The following BRINP3 variants were observed in gnomAD, a reference collection of about 807,000 sequenced individuals.
The protein encoded by BRINP3 is BMP/retinoic acid-inducible neural-specific protein 3.
A neutral mutation model predicts 71.0 loss-of-function variants in BRINP3; 19 were observed. That is an observed-to-expected ratio of 0.27 (90% CI 0.19 to 0.39). The LOEUF is 0.39. Ranked by LOEUF, BRINP3 falls within the 10% of genes least tolerant of loss-of-function variation. The pLI, the probability that BRINP3 is intolerant of heterozygous loss-of-function variation, is 1.00. For synonymous variants in BRINP3, 380 were observed against 337.7 expected, an observed-to-expected ratio of 1.13 and a Z score of -1.37; for missense variants, 959 against 940.8, an observed-to-expected ratio of 1.02 and a Z score of -0.25.
intron 7 of BRINP3, among the ~76,000 whole-genome samples, chr1:190,119,259 C>A (rs1653417799): frequency 7.1e-6 from 1 of 141,022 alleles, no homozygotes; most frequent in African/African-American, 2.8e-5. Context: ...TTTTATTTTT[C>A]ATTTTATTTT....
At chr1:190,233,037 C>T (rs10920664) in intron 5 of BRINP3, among the ~76,000 whole-genome samples, 2,729 of 152,118 alleles carry the variant, frequency 0.018, 80 homozygotes, top group African/African-American at 0.062. Context: ...TTTAATACAA[C>T]TCAAAATAAA....
chr1:190,349,393 TA>T (rs1372590003), intron 2 of BRINP3, among the ~76,000 whole-genome samples: 1 of 152,108 alleles, frequency 6.6e-6, no homozygotes, highest in African/African-American at 2.4e-5. Flanking sequence ...GGTATTAATT[TA>T]AAATGTTAAT....
chr1:190,208,569 T>G (rs1224507958), intron 6 of BRINP3, among the ~76,000 whole-genome samples: 2 of 152,098 alleles, frequency 1.3e-5, no homozygotes, highest in African/African-American at 2.4e-5. Context: ...CGCAGCTCAC[T>G]GCAACAACCT....
At chr1:190,348,299 G>T (rs1446151788) in intron 2 of BRINP3, among the ~76,000 whole-genome samples, 1 of 152,040 alleles carries the variant, frequency 6.6e-6, no homozygotes, top group Non-Finnish European at 1.5e-5. Context: ...TGGGCCATTT[G>T]CTTTGAACTC....
intron 6 of BRINP3, among the ~76,000 whole-genome samples, chr1:190,209,606 T>C (rs933389504): frequency 2.0e-5 from 3 of 152,178 alleles, no homozygotes; most frequent in Non-Finnish European, 1.5e-5. Flanking sequence ...CTTTGTATTA[T>C]GTATCAATTT....
chr1:190,196,291 G>A (rs1654472136), intron 6 of BRINP3, among the ~76,000 whole-genome samples: 1 of 152,068 alleles, frequency 6.6e-6, no homozygotes, highest in Non-Finnish European at 1.5e-5. Flanking sequence ...TTAGTCAGCT[G>A]TGGCAGATAG....
chr1:190,144,313 C>T (rs891367301), intron 7 of BRINP3, among the ~76,000 whole-genome samples: 17 of 152,070 alleles, frequency 1.1e-4, no homozygotes, highest in African/African-American at 3.4e-4. Context: ...CTAACCTGCC[C>T]TAAAACAAAG....
At chr1:190,416,291 A>G (rs1672999646) in intron 2 of BRINP3, among the ~76,000 whole-genome samples, 1 of 152,122 alleles carries the variant, frequency 6.6e-6, no homozygotes, top group South Asian at 2.1e-4. Context: ...TGCTTTTTCT[A>G]TATTTTTAAG....
intron 7 of BRINP3, among the ~76,000 whole-genome samples, chr1:190,105,186 T>G (rs943960188): frequency 3.9e-5 from 6 of 151,998 alleles, no homozygotes; most frequent in Admixed American, 3.3e-4. Flanking sequence ...ATGTTGACAC[T>G]CCTGACACAC....
intron 2 of BRINP3, among the ~76,000 whole-genome samples, chr1:190,307,025 T>C (rs531299293): frequency 5.3e-4 from 80 of 151,792 alleles, no homozygotes; most frequent in Middle Eastern, 6.8e-3. Flanking sequence ...GAGCACATAT[T>C]GTTTAAACTC....
rs116705182 is a variant in BRINP3, at chr1:190,234,315, C to T, written c.724+57G>A. ...ACTTTAAAAAATGGAAAAGAAATCA[C>T]GACTGGATAATTGCTATTCAGGCTT... On this transcript the variant is annotated intron_variant, in intron 5 of 7. Coordinates refer to ENST00000367462, the MANE Select transcript of BRINP3 (RefSeq NM_199051.3). 3,139 of 1,310,604 alleles carry T rather than the reference C, an allele frequency of 2.4e-3. 43 individuals are homozygous for T. In the African/African-American group the frequency reaches 0.036, roughly 15 times the overall value. The allele number at this position is 1,310,604 out of a possible 1,614,324, so 81.2% of individuals were successfully genotyped here.
At chr1:190,294,275 T>G (rs977764873) in intron 2 of BRINP3, among the ~76,000 whole-genome samples, 1 of 151,706 alleles carries the variant, frequency 6.6e-6, no homozygotes, top group Admixed American at 6.6e-5. Context: ...TTTTTTTTTT[T>G]TGAGTCAGGG....
intron 6 of BRINP3, among the ~76,000 whole-genome samples, chr1:190,182,646 A>G (rs1382859710): frequency 1.3e-5 from 2 of 152,092 alleles, no homozygotes; most frequent in Non-Finnish European, 2.9e-5. Flanking sequence ...CTTGCATGAT[A>G]GTAGTGTTTT....
At chr1:190,244,477 T>C (rs1659400042) in intron 4 of BRINP3, among the ~76,000 whole-genome samples, 1 of 152,104 alleles carries the variant, frequency 6.6e-6, no homozygotes, top group African/African-American at 2.4e-5. Context: ...ATTATCTGTT[T>C]TGCTTTCTTT....
At chr1:190,229,245 A>C (rs1326049312) in intron 5 of BRINP3, among the ~76,000 whole-genome samples, 2 of 151,956 alleles carry the variant, frequency 1.3e-5, no homozygotes, top group South Asian at 2.1e-4. Flanking sequence ...AGTGGGAGGT[A>C]ATAGAATCAT....
At chr1:190,462,899 A>G (rs1037077035) in intron 1 of BRINP3, among the ~76,000 whole-genome samples, 1 of 152,120 alleles carries the variant, frequency 6.6e-6, no homozygotes, top group Non-Finnish European at 1.5e-5. Flanking sequence ...AAAGCAAGCA[A>G]GTGTTCTGAG....
chr1:190,131,825 A>C (rs1654568855), intron 7 of BRINP3, among the ~76,000 whole-genome samples: 1 of 152,024 alleles, frequency 6.6e-6, no homozygotes, highest in Non-Finnish European at 1.5e-5. Context: ...GAAACTCTAA[A>C]CTATAACAGA....
intron 2 of BRINP3, among the ~76,000 whole-genome samples, chr1:190,313,321 CAT>C (rs1558172377): frequency 6.6e-6 from 1 of 151,478 alleles, no homozygotes; most frequent in East Asian, 1.9e-4. Context: ...TAATAGGAAA[CAT>C]GTAAGTTAAA....
chr1:190,099,128 T>C lies in BRINP3; in HGVS notation c.1191A>G (p.Ser397=). ...ACTGGATGCGAGTAAGCCAGTAGGT[T>C]GAGGTTCTAGAAATACAAAACAGAA... ...PLISLPRQRT[S]TYWLTRIQSF... The change falls in exon 8 of 8, where the codon TCA becomes TCG. Residue 397 remains serine, a synonymous_variant. Transcript: ENST00000367462. The C allele has an allele frequency of 6.2e-7, 1 of 1,612,858 alleles. No homozygotes were observed. The highest frequency in any genetic ancestry group is 8.5e-7 in the Non-Finnish European group (1 of 1,179,046).
Sources: gnomAD v4.1 joint callset for allele counts (sites outside exome capture counted in the v4.1 genomes callset) on GRCh38, gnomAD v4.1.1 for gene constraint, MANE v1.5 for transcripts, NCBI Gene and HGNC (gene_info 2026-07-23, HGNC 2026-07-21) for gene names.